Variants in MYH9 observed in about 807,000 individuals in gnomAD.
MYH9 encodes the protein myosin-9.
MYH9 carries 29 observed loss-of-function variants against 241.9 expected under a neutral mutation model. The ratio of observed to expected loss-of-function variants is 0.12; its 90% confidence interval spans 0.09 to 0.16. The LOEUF is 0.16. MYH9 is among the 10% of genes least tolerant of loss of function. The pLI is 1.00. For missense variants in MYH9, 1,803 were observed against 2,595.5 expected (o/e 0.69, Z 6.63); for synonymous variants, 1,047 against 1,062.6 (o/e 0.99, Z 0.29).
intron 18 of MYH9, 76 bp downstream of exon 18, chr22:36,304,957 T>C (rs2146347339): frequency 7.1e-7 from 1 of 1,408,404 alleles, no homozygotes; most frequent in East Asian, 2.3e-5. Flanking sequence ...TATAGCAAGG[T>C]GGGCCCTGGC....
At chr22:36,321,657 T>C in intron 7 of MYH9, 101 bp downstream of exon 7, 1 of 1,142,612 alleles carries the variant, frequency 8.8e-7, no homozygotes, top group Non-Finnish European at 1.3e-6. Context: ...GATGGGCCCA[T>C]AAAGGGGAAA....
At chr22:36,374,869 C>T (rs988563140) in intron 1 of MYH9, among the ~76,000 whole-genome samples, 1 of 152,186 alleles carries the variant, frequency 6.6e-6, no homozygotes, top group South Asian at 2.1e-4. Flanking sequence ...CAAAGCTCTG[C>T]CTGCGTCTGG....
At position 36,300,815 on chromosome 22, in the gene MYH9, C is replaced by A; in HGVS notation, c.2838+36G>T. On this transcript the variant is annotated intron_variant, in intron 22 of 40. Transcript: ENST00000216181. This position sits in a 1 kb window ranked among gnomAD's most constrained non-coding sequence, Gnocchi z 5.0. ...GCTCCTCCGCCCCGCCCTGCCCCTC[C>A]GGCGCCACCCCTCCCCGGGTGCAGC... is the stretch of plus-strand genomic sequence containing the variant. 1 of 1,598,182 alleles carries A rather than the reference C, an allele frequency of 6.3e-7. No individual in the cohort carries two copies. The highest frequency in any genetic ancestry group is 2.2e-5 in the East Asian group (1 of 44,882).
intron 1 of MYH9, among the ~76,000 whole-genome samples, chr22:36,381,932 A>G (rs996517317): frequency 6.6e-6 from 1 of 152,196 alleles, no homozygotes; most frequent in African/African-American, 2.4e-5. Context: ...TTCCTAGAAT[A>G]TAGTCGGAAG....
chr22:36,341,546 A>G lies in MYH9; in HGVS notation c.334-20T>C, dbSNP rs367615759. 3.5e-5 allele frequency: 56 copies of G among 1,612,826 alleles called. No homozygotes were observed. Among genetic ancestry groups the G allele is most frequent in the Non-Finnish European group, 4.7e-5 (55 of 1,179,776 alleles). Reference sequence around the variant, plus strand: ...ATAGGTCTAAAGAAAAGAGCGGCAGATAGGAACAGGTTAGGAAGTTTGATT... The same window carrying G: ...ATAGGTCTAAAGAAAAGAGCGGCAGGTAGGAACAGGTTAGGAAGTTTGATT... On this transcript the variant is annotated intron_variant, in intron 2 of 40. Coordinates refer to ENST00000216181, the MANE Select transcript of MYH9 (RefSeq NM_002473.6).
Position 36,286,940 on chromosome 22 carries a change from G to A in MYH9, c.4933-94C>T, listed in dbSNP as rs1356972096. On this transcript the variant is annotated intron_variant, in intron 34 of 40. Transcript: ENST00000216181. ...ACCTCGCCAACAGGGCTCATGGCTG[G>A]TGCTCCACTCAATGCTGTATTTAAC... is the stretch of plus-strand genomic sequence containing the variant. 1.9e-6 allele frequency: 3 copies of A among 1,567,978 alleles called. No individual in the cohort carries two copies. The East Asian group carries it at 6.7e-5, about 35-fold the overall frequency.
At chr22:36,376,276 T>C (rs1361480335) in intron 1 of MYH9, among the ~76,000 whole-genome samples, 2 of 152,062 alleles carry the variant, frequency 1.3e-5, no homozygotes, top group Non-Finnish European at 2.9e-5. Flanking sequence ...ACTTTAATAA[T>C]TATAATTAAT....
At chr22:36,374,644 G>A (rs185404735) in intron 1 of MYH9, among the ~76,000 whole-genome samples, 7 of 152,334 alleles carry the variant, frequency 4.6e-5, no homozygotes, top group African/African-American at 1.7e-4. Flanking sequence ...CAACCAGAGG[G>A]CGCAGGCCGC....
At chr22:36,284,672 G>C (rs560518813) in intron 38 of MYH9, among the ~76,000 whole-genome samples, 161 bp from the exon 39 acceptor site, 1 of 152,124 alleles carries the variant, frequency 6.6e-6, no homozygotes, top group Non-Finnish European at 1.5e-5. Flanking sequence ...TTCTTACGAC[G>C]GGCACTGCAA....
At chr22:36,360,807 G>C (rs1446671625) in intron 1 of MYH9, among the ~76,000 whole-genome samples, 1 of 152,210 alleles carries the variant, frequency 6.6e-6, no homozygotes, top group Non-Finnish European at 1.5e-5. Context: ...TGCTGGTCTG[G>C]GAAATGCTGG....
At chr22:36,379,589 C>A (rs1490426494) in intron 1 of MYH9, among the ~76,000 whole-genome samples, 1 of 152,220 alleles carries the variant, frequency 6.6e-6, no homozygotes, top group Non-Finnish European at 1.5e-5. Flanking sequence ...AGCCCCTTTT[C>A]TCCTCTGGGA....
In MYH9 at chr22:36,306,654, G is replaced by C; in HGVS notation, c.1844-47C>G. ...CGTGAGTGCCCACACAGTTGCAGCT[G>C]GGTGGTGGGGGAGCACGTAGGAGAG... On this transcript the variant is annotated intron_variant, in intron 15 of 40. Transcript: ENST00000216181. This position sits in a 1 kb window ranked among gnomAD's most constrained non-coding sequence, Gnocchi z 4.1. 1 of 1,574,838 alleles carries C rather than the reference G, an allele frequency of 6.3e-7. No homozygotes were observed. Among genetic ancestry groups the C allele is most frequent in the Non-Finnish European group, 8.6e-7 (1 of 1,156,800 alleles).
At chr22:36,340,000 T>C (rs1603483836) in intron 3 of MYH9, among the ~76,000 whole-genome samples, 1 of 151,904 alleles carries the variant, frequency 6.6e-6, no homozygotes, top group Non-Finnish European at 1.5e-5. Context: ...AAAAAAAGAA[T>C]AGGGATTTGC....
intron 2 of MYH9, among the ~76,000 whole-genome samples, chr22:36,347,615 G>C (rs1381857590): frequency 1.3e-5 from 2 of 151,774 alleles, no homozygotes; most frequent in Non-Finnish European, 2.9e-5. Context: ...CAGGCCTGTA[G>C]TCCCAGCCAC....
intron 2 of MYH9, among the ~76,000 whole-genome samples, chr22:36,346,130 T>G (rs1427991183): frequency 4.4e-5 from 6 of 136,684 alleles, no homozygotes; most frequent in African/African-American, 1.7e-4. Context: ...CCAGCCTGGG[T>G]GACAAAGTGA....
intron 1 of MYH9, among the ~76,000 whole-genome samples, chr22:36,371,847 T>G (rs1183359580): frequency 6.6e-6 from 1 of 152,010 alleles, no homozygotes; most frequent in Non-Finnish European, 1.5e-5. Context: ...CTGAGCAATT[T>G]AGTACCTCTC....
chr22:36,369,445 G>A (rs1035614487), intron 1 of MYH9, among the ~76,000 whole-genome samples: 7 of 152,204 alleles, frequency 4.6e-5, no homozygotes, highest in African/African-American at 1.4e-4. Context: ...GGCAGAAGGC[G>A]GGCTGAGAAC....
chr22:36,282,140 C>A lies in MYH9; in HGVS notation c.*528G>T. On this transcript the variant is annotated 3_prime_UTR_variant, in exon 41 of 41. Coordinates refer to ENST00000216181, the MANE Select transcript of MYH9 (RefSeq NM_002473.6). ...CCCAGGGCCTGCTCCTTCTGGACCG[C>A]CCAGAGCCATGGGAGTGGGAGGCCC... is the stretch of plus-strand genomic sequence containing the variant. 1 of 286,752 alleles carries A rather than the reference C, an allele frequency of 3.5e-6. No individual in the cohort carries two copies. Among genetic ancestry groups the A allele is most frequent in the Non-Finnish European group, 6.7e-6 (1 of 149,406 alleles). 17.8% of individuals were successfully genotyped at this position (286,752 alleles called of 1,614,324 possible).
At chr22:36,355,043 G>A (rs1174063942) in intron 1 of MYH9, among the ~76,000 whole-genome samples, 1 of 149,166 alleles carries the variant, frequency 6.7e-6, no homozygotes, top group Non-Finnish European at 1.5e-5. Context: ...GAGCTCCTGT[G>A]GGAATGGGCA....
Sources: gnomAD v4.1 joint callset for allele counts (sites outside exome capture counted in the v4.1 genomes callset) on GRCh38, gnomAD v4.1.1 for gene constraint, Gnocchi (gnomAD v3.1) non-coding constraint, MANE v1.5 for transcripts, NCBI Gene and HGNC (gene_info 2026-07-23, HGNC 2026-07-21) for gene names.